Variants in CGNL1 observed in about 807,000 individuals in gnomAD.
The protein encoded by CGNL1 is cingulin like 1.
A neutral mutation model predicts 141.2 loss-of-function variants in CGNL1; 132 were observed. That is an observed-to-expected ratio of 0.93 (90% CI 0.81 to 1.08). The LOEUF is 1.08. Ranked by LOEUF, CGNL1 falls within the 50% of genes least tolerant of loss-of-function variation. CGNL1 has a pLI of 0.00. For missense variants in CGNL1, 1,870 were observed against 1,588.6 expected, an observed-to-expected ratio of 1.18 and a Z score of -3.01; for synonymous variants, 690 against 622.1, an observed-to-expected ratio of 1.11 and a Z score of -1.63.
chr15:57,386,747 C>T (rs1595647528), intron 1 of CGNL1, among the ~76,000 whole-genome samples: 1 of 152,164 alleles, frequency 6.6e-6, no homozygotes, highest in East Asian at 1.9e-4. Flanking sequence ...GCTTCAGCGA[C>T]TGGTCCTTGT....
chr15:57,380,589 A>C (rs76583215), intron 1 of CGNL1, among the ~76,000 whole-genome samples: 1 of 152,136 alleles, frequency 6.6e-6, no homozygotes, highest in Non-Finnish European at 1.5e-5. Flanking sequence ...TTGGGTTTAC[A>C]TTAAAGCTTA....
intron 7 of CGNL1, among the ~76,000 whole-genome samples, chr15:57,460,598 G>C (rs577421676): frequency 6.6e-6 from 1 of 152,182 alleles, no homozygotes; most frequent in Non-Finnish European, 1.5e-5. Flanking sequence ...AGAAGGGGAA[G>C]CAGGCACCTT....
chr15:57,410,465 C>G (rs1306190062), intron 1 of CGNL1, among the ~76,000 whole-genome samples: 6 of 152,138 alleles, frequency 3.9e-5, no homozygotes, highest in African/African-American at 1.2e-4. Flanking sequence ...GCCATCATCT[C>G]TCCTCTCTTC....
chr15:57,503,640 T>C (rs1472651370), intron 8 of CGNL1, among the ~76,000 whole-genome samples: 5 of 152,128 alleles, frequency 3.3e-5, no homozygotes, highest in Non-Finnish European at 7.3e-5. Flanking sequence ...GATTAAGACA[T>C]ACCTGAAGCT....
chr15:57,522,350 C>T (rs763247165), intron 10 of CGNL1, among the ~76,000 whole-genome samples: 5 of 152,208 alleles, frequency 3.3e-5, no homozygotes, highest in Non-Finnish European at 7.3e-5. Context: ...CTCTGCAAAC[C>T]AGGAGAGTCC....
At chr15:57,420,474 TA>T (rs1288777698) in intron 1 of CGNL1, among the ~76,000 whole-genome samples, 1 of 152,244 alleles carries the variant, frequency 6.6e-6, no homozygotes. Flanking sequence ...TGCATGTCTA[TA>T]ACTTCTCACT....
intron 8 of CGNL1, among the ~76,000 whole-genome samples, chr15:57,465,215 T>C (rs2063496321): frequency 6.6e-6 from 1 of 152,118 alleles, no homozygotes; most frequent in African/African-American, 2.4e-5. Flanking sequence ...ATTTATGTCT[T>C]GGTATTATAG....
Position 57,438,616 on chromosome 15 carries a change from A to G in CGNL1, c.617A>G (p.Glu206Gly), listed in dbSNP as rs1199394048. 1 of 1,613,876 alleles carries G rather than the reference A, an allele frequency of 6.2e-7. No homozygotes were observed. The highest frequency in any genetic ancestry group is 1.3e-5 in the African/African-American group (1 of 74,938). The change falls in exon 2 of 19, where the codon GAA becomes GGA. Residue 206 changes from glutamate (E) to glycine (G), a missense_variant. Physicochemically the swap from Glu to Gly is moderately conservative, Grantham distance 98 (BLOSUM62 -2). Coordinates refer to ENST00000281282, the MANE Select transcript of CGNL1 (RefSeq NM_032866.5). ...TCCCAGCCTACCAGTCCCTCCTTGG[A>G]AGACCCGGCCAAATCTGGTGTGACA... ...SNSQPTSPSL[E>G]DPAKSGVTAI...
intron 7 of CGNL1, among the ~76,000 whole-genome samples, chr15:57,459,126 A>C (rs890482858): frequency 6.6e-6 from 1 of 152,228 alleles, no homozygotes; most frequent in Non-Finnish European, 1.5e-5. Flanking sequence ...CCCGGTGGCA[A>C]CCATGCCTCT....
chr15:57,448,125 A>C lies in CGNL1; in HGVS notation c.1804-3375A>C, dbSNP rs138799946. Reference sequence around the variant, plus strand: ...AGTTTGAGACCAGCCTGAGCAACATAGTGAGATCCCATCTCTACAAAAACC... The same window carrying C: ...AGTTTGAGACCAGCCTGAGCAACATCGTGAGATCCCATCTCTACAAAAACC... On this transcript the variant is annotated intron_variant, in intron 4 of 18. Transcript: ENST00000281282. Among the ~76,000 whole-genome samples, 42 of 151,298 alleles carry C rather than the reference A, an allele frequency of 2.8e-4. No homozygotes were observed. In the East Asian group the frequency reaches 8.1e-3, roughly 29 times the overall value.
At chr15:57,381,353 A>T (rs1332487892) in intron 1 of CGNL1, among the ~76,000 whole-genome samples, 1 of 152,170 alleles carries the variant, frequency 6.6e-6, no homozygotes, top group Admixed American at 6.5e-5. Context: ...TGAGCCCAGG[A>T]GGTCAATACC....
At chr15:57,504,183 G>A (rs1390258183) in intron 8 of CGNL1, among the ~76,000 whole-genome samples, 4 of 152,180 alleles carry the variant, frequency 2.6e-5, no homozygotes, top group South Asian at 2.1e-4. Flanking sequence ...CACAGTGCAC[G>A]CCTGGCCACA....
In CGNL1 at chr15:57,440,447, TTC is replaced by T; in HGVS notation, c.1677_1678del (p.Tyr560GlnfsTer9). 1 of 1,594,714 alleles carries T rather than the reference TTC, an allele frequency of 6.3e-7. No individual in the cohort carries two copies. The highest frequency in any genetic ancestry group is 8.6e-7 in the Non-Finnish European group (1 of 1,169,124). On this transcript the variant is annotated frameshift_variant, in exon 3 of 19. Coordinates refer to ENST00000281282, the MANE Select transcript of CGNL1 (RefSeq NM_032866.5). LOFTEE classifies it high-confidence loss of function. ...ACCAATGAGGAGACAGCTAAGCAGA[TTC>T]TCTACAATTACCTCAAAGAAGGGTT...
At chr15:57,391,869 T>C (rs1213010915) in intron 1 of CGNL1, among the ~76,000 whole-genome samples, 1 of 152,082 alleles carries the variant, frequency 6.6e-6, no homozygotes, top group Non-Finnish European at 1.5e-5. Flanking sequence ...CAGAGTGATG[T>C]CCACAGGCAG....
intron 8 of CGNL1, chr15:57,478,146 C>T (rs771601004): frequency 6.6e-6 from 1 of 152,176 alleles, no homozygotes; most frequent in African/African-American, 2.4e-5. Flanking sequence ...ATCCAGCAGC[C>T]AGGACCGTGG....
chr15:57,447,287 C>T (rs2063265928), intron 4 of CGNL1, among the ~76,000 whole-genome samples: 1 of 152,184 alleles, frequency 6.6e-6, no homozygotes, highest in South Asian at 2.1e-4. Context: ...TCTGTGTTTC[C>T]ATCTCGGACT....
intron 1 of CGNL1, among the ~76,000 whole-genome samples, chr15:57,424,694 T>G (rs2152287314): frequency 1.3e-5 from 2 of 152,250 alleles, no homozygotes; most frequent in Admixed American, 1.3e-4. Flanking sequence ...ACGATGCCCT[T>G]ACACCCCATG....
At chr15:57,513,002 A>G (rs558863806) in intron 8 of CGNL1, among the ~76,000 whole-genome samples, 2 of 152,012 alleles carry the variant, frequency 1.3e-5, no homozygotes, top group African/African-American at 4.8e-5. Context: ...CATATAATTC[A>G]TATAATTCAA....
chr15:57,546,945 G>A (rs1047608141), intron 18 of CGNL1, among the ~76,000 whole-genome samples: 1 of 152,128 alleles, frequency 6.6e-6, no homozygotes, highest in African/African-American at 2.4e-5. Flanking sequence ...CTGGCCCCAA[G>A]GTTGGCATTA....
Sources: allele counts gnomAD v4.1 joint callset (sites outside exome capture counted in the v4.1 genomes callset), GRCh38; gene constraint gnomAD v4.1.1; transcripts MANE v1.5; gene names NCBI Gene and HGNC (gene_info 2026-07-23, HGNC 2026-07-21).